PCDHA10: variants seen among roughly 807,000 people sequenced by gnomAD.
The protein encoded by PCDHA10 is protocadherin alpha 10, also known as protocadherin alpha-10.
A neutral mutation model predicts 61.2 loss-of-function variants in PCDHA10; 45 were observed. The ratio of observed to expected loss-of-function variants is 0.74; its 90% CI spans 0.58 to 0.94. The LOEUF (loss-of-function observed/expected upper bound fraction) is 0.94. Ranked by LOEUF, PCDHA10 falls within the 40% of genes least tolerant of loss-of-function variation. The probability of loss-of-function intolerance (pLI) is 0.00; values close to 1 mark genes in which losing one functional copy is unlikely to be tolerated. For synonymous variants in PCDHA10, 602 were observed against 548.8 expected, an observed-to-expected ratio of 1.10 and a Z score of -1.35; for missense variants, 1,278 against 1,236.2, an observed-to-expected ratio of 1.03 and a Z score of -0.51.
At chr5:140,869,347 G>C (rs782437200) in intron 1 of PCDHA10, 1 of 1,614,082 alleles carries the variant, frequency 6.2e-7, no homozygotes, top group Non-Finnish European at 8.5e-7. Context: ...TCTGCAGAAT[G>C]GCATTTTGTT....
chr5:140,899,654 G>C (rs1429177993), intron 1 of PCDHA10, among the ~76,000 whole-genome samples: 1 of 152,158 alleles, frequency 6.6e-6, no homozygotes, highest in African/African-American at 2.4e-5. Context: ...ATTTGGTTGT[G>C]TCTCTGCCCG....
chr5:140,997,557 A>G lies in PCDHA10; in HGVS notation c.2537-12070A>G, dbSNP rs1392974918. On this transcript the variant is annotated intron_variant, in intron 3 of 3. Coordinates refer to ENST00000307360, the MANE Select transcript of PCDHA10 (RefSeq NM_018901.4). ...TACATTATTATAATCTTACAGGACA[A>G]CTGTCATATGTGTGGTCCGTTGTTG... is the stretch of plus-strand genomic sequence containing the variant. Among the ~76,000 whole-genome samples, 15 of 152,262 alleles carry G rather than the reference A, an allele frequency of 9.9e-5. No individual in the cohort carries two copies. In the South Asian group the frequency reaches 1.2e-3, roughly 13 times the overall value.
chr5:140,868,468 TA>T (rs2050485574), intron 1 of PCDHA10: 1 of 152,446 alleles, frequency 6.6e-6, no homozygotes, highest in Non-Finnish European at 1.5e-5. Flanking sequence ...GCTGCTTTTA[TA>T]AAACTTCAAT....
At chr5:140,952,349 A>T (rs1554220373) in intron 1 of PCDHA10, among the ~76,000 whole-genome samples, 2 of 152,000 alleles carry the variant, frequency 1.3e-5, no homozygotes, top group African/African-American at 4.8e-5. Flanking sequence ...AAAAAAAAAA[A>T]AAAAAGAAAG....
chr5:140,914,126 G>T (rs2076615202), intron 1 of PCDHA10, among the ~76,000 whole-genome samples: 1 of 152,132 alleles, frequency 6.6e-6, no homozygotes, highest in Non-Finnish European at 1.5e-5. Context: ...ATGTTTCTTT[G>T]TTGAGTTTTT....
At chr5:140,964,378 T>A (rs182628269) in intron 1 of PCDHA10, among the ~76,000 whole-genome samples, 1 of 151,270 alleles carries the variant, frequency 6.6e-6, no homozygotes, top group Non-Finnish European at 1.5e-5. Context: ...GAAAGGAGAG[T>A]CCTGGTTTTT....
chr5:140,857,789 C>T lies in PCDHA10; in HGVS notation c.1741C>T (p.Leu581=), dbSNP rs576562662. ...SAGGAVSELV[L]RSVVAGHVVA... Reference sequence around the variant, plus strand: ...GGGCGGTGCAGTCAGTGAGCTGGTGCTGCGGTCGGTGGTTGCGGGTCACGT... The same window carrying T: ...GGGCGGTGCAGTCAGTGAGCTGGTGTTGCGGTCGGTGGTTGCGGGTCACGT... Residue 581 remains leucine (L), a synonymous_variant, in exon 1 of 4, where the codon CTG becomes TTG. Transcript: ENST00000307360. 7.5e-6 allele frequency: 12 copies of T among 1,597,704 alleles called. No homozygotes were observed. In the African/African-American group the frequency reaches 1.5e-4, roughly 20 times the overall value.
At position 140,870,533 on chromosome 5, in the gene PCDHA10, C is replaced by A. The variant is rs1185177447; in HGVS notation, c.2388+12097C>A. The A allele has an allele frequency of 1.9e-6, 3 of 1,614,050 alleles. No individual in the cohort carries two copies. The African/African-American group carries it at 4.0e-5, about 22-fold the overall frequency. ...CCAGGCTGCCACATCTTCACAGTGTCGGCGCGGGACGCGGACGCGCAGGAG... is the reference window on the plus strand; with the variant it reads ...CCAGGCTGCCACATCTTCACAGTGTAGGCGCGGGACGCGGACGCGCAGGAG... On this transcript the variant is annotated intron_variant, in intron 1 of 3. Transcript: ENST00000307360.
intron 3 of PCDHA10, among the ~76,000 whole-genome samples, chr5:140,985,406 GA>G (rs1554247033): frequency 6.6e-6 from 1 of 152,136 alleles, no homozygotes; most frequent in Non-Finnish European, 1.5e-5. Flanking sequence ...TGTTCCCCTG[GA>G]AATGGAGTGA....
intron 1 of PCDHA10, among the ~76,000 whole-genome samples, chr5:140,901,039 A>G (rs1317910770): frequency 4.6e-5 from 7 of 152,086 alleles, no homozygotes; most frequent in Non-Finnish European, 8.8e-5. Flanking sequence ...TCTTTTGCCC[A>G]TTTTAAAATT....
intron 3 of PCDHA10, among the ~76,000 whole-genome samples, chr5:141,002,289 G>A (rs1468757497): frequency 1.3e-5 from 2 of 152,204 alleles, no homozygotes; most frequent in East Asian, 3.8e-4. Flanking sequence ...GGATGAATGG[G>A]GAGCAAAGGG....
At chr5:140,954,948 G>A (rs1163066790) in intron 1 of PCDHA10, among the ~76,000 whole-genome samples, 2 of 152,204 alleles carry the variant, frequency 1.3e-5, no homozygotes, top group Non-Finnish European at 1.5e-5. Flanking sequence ...GTTAATTTTT[G>A]TATAAGATGT....
At chr5:140,883,165 T>C in intron 1 of PCDHA10, 1 of 1,613,752 alleles carries the variant, frequency 6.2e-7, no homozygotes, top group Non-Finnish European at 8.5e-7. Context: ...ATCCGAACAA[T>C]GGAGAAATTA....
chr5:140,863,012 G>A, intron 1 of PCDHA10: 1 of 552,296 alleles, frequency 1.8e-6, no homozygotes, highest in South Asian at 1.4e-5. Context: ...CAGCTATGAC[G>A]CCTGGTTGTC....
chr5:140,984,428 G>A (rs2097103075), intron 3 of PCDHA10, among the ~76,000 whole-genome samples: 1 of 152,100 alleles, frequency 6.6e-6, no homozygotes, highest in African/African-American at 2.4e-5. Context: ...ATAGAGAAGG[G>A]GATCTCCCTT....
chr5:140,870,201 G>C lies in PCDHA10; in HGVS notation c.2388+11765G>C, dbSNP rs370139733. 2.5e-4 allele frequency: 410 copies of C among 1,614,022 alleles called. 1 individual carries two copies. Among genetic ancestry groups the C allele is most frequent in the Non-Finnish European group, 5.8e-5 (69 of 1,180,034 alleles). ...TACGAGAGGACGCTCAGCCCAGCAC[G>C]GTCATTGCCCTGATCAGCGTGTCTG... On this transcript the variant is annotated intron_variant, in intron 1 of 3. Coordinates refer to ENST00000307360, the MANE Select transcript of PCDHA10 (RefSeq NM_018901.4).
At chr5:140,968,923 T>C in intron 1 of PCDHA10, 1 of 1,614,212 alleles carries the variant, frequency 6.2e-7, no homozygotes, top group Non-Finnish European at 8.5e-7. Flanking sequence ...CTTTTATATT[T>C]CTTTTGACAA....
intron 1 of PCDHA10, chr5:140,927,673 G>C: frequency 6.2e-7 from 1 of 1,614,224 alleles, no homozygotes; most frequent in Non-Finnish European, 8.5e-7. Flanking sequence ...CTTGGATCCA[G>C]ATGAAGGGTC....
At chr5:140,998,380 A>G (rs921989792) in intron 3 of PCDHA10, among the ~76,000 whole-genome samples, 2 of 152,188 alleles carry the variant, frequency 1.3e-5, no homozygotes, top group African/African-American at 4.8e-5. Context: ...GTCTCTAGAA[A>G]GTTTAATGCC....
Sources: allele counts gnomAD v4.1 joint callset (sites outside exome capture counted in the v4.1 genomes callset), GRCh38; gene constraint gnomAD v4.1.1; transcripts MANE v1.5; gene names NCBI Gene and HGNC (gene_info 2026-07-23, HGNC 2026-07-21).